DNAAF9: variants seen among roughly 807,000 people sequenced by gnomAD.
DNAAF9 encodes the protein shulin.
Under a neutral mutation model 167.0 loss-of-function variants are expected in DNAAF9, and 90 were observed. That is an observed-to-expected ratio of 0.54 (90% confidence interval 0.45 to 0.64). DNAAF9 has a LOEUF of 0.64. Ranked by LOEUF, DNAAF9 falls within the 30% of genes least tolerant of loss-of-function variation. DNAAF9 has a pLI of 0.00. For missense variants in DNAAF9, 1,315 were observed against 1,442.2 expected, an observed-to-expected ratio of 0.91 and a Z score of 1.43; for synonymous variants, 491 against 508.8, an observed-to-expected ratio of 0.96 and a Z score of 0.47.
At chr20:3,344,160 A>G (rs67616520) in intron 8 of DNAAF9, among the ~76,000 whole-genome samples, 61,235 of 151,892 alleles carry the variant, frequency 0.4, 12,519 homozygotes, top group Middle Eastern at 0.54. Context: ...TACATTTCCA[A>G]TACATTAATA....
chr20:3,289,412 G>A (rs1389029624), intron 26 of DNAAF9, among the ~76,000 whole-genome samples: 11 of 152,076 alleles, frequency 7.2e-5, no homozygotes, highest in Non-Finnish European at 1.3e-4. Flanking sequence ...GCCACTGTAC[G>A]CGAGTTTGGG....
intron 6 of DNAAF9, among the ~76,000 whole-genome samples, chr20:3,372,520 G>GT (rs1399003887): frequency 2.0e-5 from 3 of 152,164 alleles, no homozygotes; most frequent in African/African-American, 7.2e-5. Flanking sequence ...TTTCAAAGGT[G>GT]TTTTTTGGAA....
At chr20:3,376,370 A>G (rs1037419305) in intron 3 of DNAAF9, 68 bp from the exon 4 acceptor site, 38 of 1,306,944 alleles carry the variant, frequency 2.9e-5, no homozygotes, top group Non-Finnish European at 4.0e-5. Context: ...TTCTGCCCAC[A>G]TAATTAGTAA....
intron 23 of DNAAF9, chr20:3,296,479 G>C (rs1159389689): frequency 3.5e-6 from 1 of 287,394 alleles, no homozygotes; most frequent in African/African-American, 2.2e-5. Flanking sequence ...CTGGGCTCAA[G>C]TAACCCTTCC....
At chr20:3,368,149 G>T (rs77600079) in intron 6 of DNAAF9, among the ~76,000 whole-genome samples, 1 of 152,066 alleles carries the variant, frequency 6.6e-6, no homozygotes, top group African/African-American at 2.4e-5. Context: ...TGGGGCAAGG[G>T]GAATCTTTGG....
intron 10 of DNAAF9, among the ~76,000 whole-genome samples, chr20:3,337,437 T>TATG: frequency 9.3e-6 from 1 of 107,080 alleles, no homozygotes; most frequent in Non-Finnish European, 2.0e-5. Context: ...GTTCTTTTTT[T>TATG]TTGTTTTTTT....
intron 6 of DNAAF9, among the ~76,000 whole-genome samples, chr20:3,367,539 C>T (rs1362500160): frequency 6.6e-6 from 1 of 152,176 alleles, no homozygotes; most frequent in African/African-American, 2.4e-5. Flanking sequence ...CTTCCTTTCA[C>T]TTGAACCTTT....
intron 7 of DNAAF9, among the ~76,000 whole-genome samples, chr20:3,352,138 G>C (rs1032893949): frequency 6.6e-6 from 1 of 152,148 alleles, no homozygotes; most frequent in African/African-American, 2.4e-5. Context: ...AACAGAATAA[G>C]AATCACTGTA....
At chr20:3,310,369 GAAAGAAAGAAA>G (rs2069389461) in intron 20 of DNAAF9, among the ~76,000 whole-genome samples, 2 of 150,954 alleles carry the variant, frequency 1.3e-5, no homozygotes, top group African/African-American at 4.9e-5. Flanking sequence ...AAGAAAGAAA[GAAAGAAAGAAA>G]GAAAGAAAGA....
chr20:3,260,404 C>T (rs1321293287), intron 31 of DNAAF9, among the ~76,000 whole-genome samples: 1 of 152,212 alleles, frequency 6.6e-6, no homozygotes, highest in South Asian at 2.1e-4. Context: ...TGCCATTTTG[C>T]ACACAAAAAC....
At chr20:3,295,877 G>C in intron 23 of DNAAF9, 1 of 1,150,040 alleles carries the variant, frequency 8.7e-7, no homozygotes, top group Non-Finnish European at 1.3e-6. Flanking sequence ...TGTTCTCATG[G>C]GAGCCCAGCC....
intron 7 of DNAAF9, among the ~76,000 whole-genome samples, chr20:3,358,496 C>A (rs1317288106): frequency 1.3e-5 from 2 of 152,040 alleles, no homozygotes; most frequent in African/African-American, 2.4e-5. Flanking sequence ...GTTGGCCAGG[C>A]TGGTCTTGTA....
At chr20:3,286,431 G>A (rs1325020133) in intron 27 of DNAAF9, among the ~76,000 whole-genome samples, 2 of 152,212 alleles carry the variant, frequency 1.3e-5, no homozygotes, top group African/African-American at 4.8e-5. Context: ...TTGTCAAGCT[G>A]CTGAATTCAC....
In DNAAF9 at chr20:3,252,482, G is replaced by A; in HGVS notation, c.*90C>T. 1 of 766,896 alleles carries A rather than the reference G, an allele frequency of 1.3e-6. No homozygotes were observed. The highest frequency in any genetic ancestry group is 3.3e-4 in the Middle Eastern group (1 of 3,076). The allele number at this position is 766,896 out of a possible 1,614,324, so 47.5% of individuals were successfully genotyped here. A position where few individuals can be genotyped will look rare whatever the true frequency, so the allele number is the denominator to read the frequency against. On this transcript the variant is annotated 3_prime_UTR_variant, in exon 37 of 37. Coordinates refer to ENST00000252032, the MANE Select transcript of DNAAF9 (RefSeq NM_001009984.3). ...AGGAGAACAAAGACAGCCCCTTAAGGGAGAGGCCTCCAGCAGAGCTGAGGT... is the reference window on the plus strand; with the variant it reads ...AGGAGAACAAAGACAGCCCCTTAAGAGAGAGGCCTCCAGCAGAGCTGAGGT...
At chr20:3,383,801 C>CTTTT (rs11464653) in intron 1 of DNAAF9, among the ~76,000 whole-genome samples, 2 of 141,238 alleles carry the variant, frequency 1.4e-5, no homozygotes, top group Non-Finnish European at 3.1e-5. Flanking sequence ...CCACTGGATT[C>CTTTT]TTTTTTTTTT....
At chr20:3,376,962 A>G (rs2083584333) in intron 3 of DNAAF9, among the ~76,000 whole-genome samples, 1 of 152,098 alleles carries the variant, frequency 6.6e-6, no homozygotes, top group Non-Finnish European at 1.5e-5. Flanking sequence ...CCAGCTACTC[A>G]GGAGGCTGAG....
intron 8 of DNAAF9, 44 bp downstream of exon 8, chr20:3,348,481 A>C: frequency 1.0e-6 from 1 of 1,004,926 alleles, no homozygotes; most frequent in Non-Finnish European, 1.5e-6. Context: ...ACAATAAATA[A>C]ATTAACCATT....
rs10522445 is a variant in DNAAF9 at position 3,394,949 on chromosome 20, C to CT, written c.84-12444dup. Among the ~76,000 whole-genome samples, 353 of 102,022 alleles carry CT rather than the reference C, an allele frequency of 3.5e-3. 51 individuals are homozygous for CT. The highest frequency in any genetic ancestry group is 5.3e-3 in the East Asian group (17 of 3,222). The allele number at this position is 102,022 out of a possible 152,430, so 66.9% of individuals were successfully genotyped here. On this transcript the variant is annotated intron_variant, in intron 1 of 36. Coordinates refer to ENST00000252032, the MANE Select transcript of DNAAF9 (RefSeq NM_001009984.3). ...GCTTTTACTGAACATTTTCTTTTTT[C>CT]TTTTTTTTTTTTTTTTTTTTTTTTT... is the stretch of plus-strand genomic sequence containing the variant.
rs939368669 is a variant in DNAAF9, at chr20:3,249,728, T to C, written c.*2844A>G. ...TGGAATACTTCGTAGTTTACAATCTTTGAATTGAACTTTTCCCTTTTGAGA... is the reference window on the plus strand; with the variant it reads ...TGGAATACTTCGTAGTTTACAATCTCTGAATTGAACTTTTCCCTTTTGAGA... On this transcript the variant is annotated 3_prime_UTR_variant, in exon 37 of 37. Transcript: ENST00000252032. 2 of 152,212 alleles carry C rather than the reference T, an allele frequency of 1.3e-5. No individual in the cohort carries two copies. The highest frequency in any genetic ancestry group is 4.8e-5 in the African/African-American group (2 of 41,446). The allele number at this position is 152,212 out of a possible 1,614,324, so 9.4% of individuals were successfully genotyped here.
Sources: gnomAD v4.1 joint callset for allele counts (sites outside exome capture counted in the v4.1 genomes callset) on GRCh38, gnomAD v4.1.1 for gene constraint, MANE v1.5 for transcripts, NCBI Gene and HGNC (gene_info 2026-07-23, HGNC 2026-07-21) for gene names.